The following ARAP2 variants were observed in gnomAD, a reference collection of about 807,000 sequenced individuals.
The protein encoded by ARAP2 is arf-GAP with Rho-GAP domain, ANK repeat and PH domain-containing protein 2.
Under a neutral mutation model 194.5 loss-of-function variants are expected in ARAP2, and 148 were observed. That is an observed-to-expected ratio of 0.76 (90% CI 0.67 to 0.87). ARAP2 has a LOEUF of 0.87. Among genes scored for constraint, ARAP2 ranks in the 40% least tolerant of loss-of-function variants. The pLI, the probability that ARAP2 is intolerant of heterozygous loss-of-function variation, is 0.00. For synonymous variants in ARAP2, 695 were observed against 683.5 expected, an observed-to-expected ratio of 1.02 and a Z score of -0.26; for missense variants, 2,128 against 1,989.7, an observed-to-expected ratio of 1.07 and a Z score of -1.32.
intron 1 of ARAP2, among the ~76,000 whole-genome samples, chr4:36,240,163 TAAG>T (rs1459966117): frequency 1.3e-5 from 2 of 152,362 alleles, no homozygotes; most frequent in Middle Eastern, 3.4e-3. Flanking sequence ...TTAAGATATA[TAAG>T]AATACCTGAC....
intron 8 of ARAP2, among the ~76,000 whole-genome samples, chr4:36,187,204 AT>A (rs1353330997): frequency 6.6e-6 from 1 of 152,260 alleles, no homozygotes; most frequent in Admixed American, 6.5e-5. Flanking sequence ...CACATTGTAT[AT>A]GCAGAACTTA....
Position 36,228,882 on chromosome 4 carries a change from A to T in ARAP2, c.605T>A (p.Ile202Asn). The T allele has an allele frequency of 6.2e-7, 1 of 1,614,050 alleles. No individual in the cohort carries two copies. The highest frequency in any genetic ancestry group is 8.5e-7 in the Non-Finnish European group (1 of 1,179,992). ...EEQQTEKVKL[I>N]TENLSKLPNA... is the part of the protein sequence containing the mutation. ...AGGGAGCTTACTGAGATTTTCTGTG[A>T]TCAATTTAACTTTTTCTGTTTGTTG... The change falls in exon 2 of 33, where the codon ATC becomes AAC. Residue 202 changes from isoleucine (I) to asparagine (N), a missense_variant. By Grantham distance (149) the Ile-to-Asn change is moderately radical. Transcript: ENST00000303965.
At chr4:36,078,458 C>T (rs142038732) in intron 31 of ARAP2, among the ~76,000 whole-genome samples, 17 of 152,170 alleles carry the variant, frequency 1.1e-4, no homozygotes, top group African/African-American at 3.4e-4. Context: ...ACTGTTAATT[C>T]GCATACGTGT....
chr4:36,139,035 T>C (rs73809127), intron 19 of ARAP2, among the ~76,000 whole-genome samples: 1 of 151,708 alleles, frequency 6.6e-6, no homozygotes, highest in East Asian at 1.9e-4. Flanking sequence ...TTATATGTAT[T>C]CTGTCCATGT....
chr4:36,147,205 T>C (rs1466779910), intron 19 of ARAP2, 91 bp downstream of exon 19: 2 of 1,143,566 alleles, frequency 1.7e-6, no homozygotes, highest in Non-Finnish European at 1.3e-6. Context: ...GGTTTTAAAA[T>C]ATTGTTTTCT....
At chr4:36,158,426 A>G (rs1352151027) in intron 15 of ARAP2, among the ~76,000 whole-genome samples, 1 of 152,152 alleles carries the variant, frequency 6.6e-6, no homozygotes, top group South Asian at 2.1e-4. Flanking sequence ...TGGGGTGTCC[A>G]TCCCTAAGGA....
intron 20 of ARAP2, among the ~76,000 whole-genome samples, chr4:36,129,326 T>C (rs977275347): frequency 3.3e-5 from 5 of 151,936 alleles, no homozygotes; most frequent in African/African-American, 1.2e-4. Flanking sequence ...CCTCCCAGGC[T>C]TCTTTTCCCT....
intron 13 of ARAP2, 88 bp from the exon 14 acceptor site, chr4:36,159,593 T>C (rs755237146): frequency 8.2e-5 from 97 of 1,177,530 alleles, no homozygotes; most frequent in Non-Finnish European, 1.0e-4. Context: ...ATTTCATGTA[T>C]GGGATAAAGT....
chr4:36,190,602 G>A (rs1578218667), intron 7 of ARAP2, among the ~76,000 whole-genome samples: 1 of 152,124 alleles, frequency 6.6e-6, no homozygotes, highest in South Asian at 2.1e-4. Flanking sequence ...ACAGTCTCCT[G>A]GTTTGCCTCC....
rs141821419 is a variant in ARAP2, at chr4:36,119,472, A to T, written c.3963+178T>A. ...TCTATTTTTAAAAATTTACATTAAC[A>T]TATTTTGCATATATGTATCAGGTTG... On this transcript the variant is annotated intron_variant, in intron 24 of 32. Transcript: ENST00000303965. Among the ~76,000 whole-genome samples, 1,080 of 151,526 alleles carry T rather than the reference A, an allele frequency of 7.1e-3. 11 individuals are homozygous for T. The highest frequency in any genetic ancestry group is 0.025 in the African/African-American group (1,025 of 41,478).
chr4:36,098,589 T>C (rs931217088), intron 27 of ARAP2, among the ~76,000 whole-genome samples: 3 of 152,138 alleles, frequency 2.0e-5, no homozygotes, highest in Non-Finnish European at 4.4e-5. Flanking sequence ...TACATCTCTG[T>C]AAATTATTAA....
In ARAP2 at chr4:36,073,830, A is replaced by G; in HGVS notation, c.4609-7T>C. Reference sequence around the variant, plus strand: ...GCCATATATCATATTCATGCTGTGGAAACACAATTTCTTGCTGTTGGTGTG... The same window carrying G: ...GCCATATATCATATTCATGCTGTGGGAACACAATTTCTTGCTGTTGGTGTG... On this transcript the variant is annotated splice_polypyrimidine_tract_variant and splice_region_variant and intron_variant, in intron 31 of 32. Coordinates refer to ENST00000303965, the MANE Select transcript of ARAP2 (RefSeq NM_015230.4). 1 of 1,612,368 alleles carries G rather than the reference A, an allele frequency of 6.2e-7. No individual in the cohort carries two copies.
rs114705622 is a variant in ARAP2 at position 36,023,966 on chromosome 4, A to T, written n.608-4680T>A. ...GATGATTTCCAATTTAATCAATAAA[A>T]AAAAAAAATGACGTTTGTGATTCTG... On this transcript the variant is annotated intron_variant and non_coding_transcript_variant, in intron 5 of 12. Coordinates refer to the ARAP2 transcript ENST00000503225. Among the ~76,000 whole-genome samples, 1,145 of 151,464 alleles carry T rather than the reference A, an allele frequency of 7.6e-3. 18 individuals are homozygous for T. The highest frequency in any genetic ancestry group is 0.026 in the African/African-American group (1,095 of 41,366).
chr4:36,218,191 AT>A (rs1478196152), intron 2 of ARAP2, among the ~76,000 whole-genome samples: 2 of 152,164 alleles, frequency 1.3e-5, no homozygotes, highest in African/African-American at 2.4e-5. Context: ...GCAGGAGGTC[AT>A]TTTCCTTAGC....
chr4:36,122,738 T>C (rs954255312), intron 22 of ARAP2, among the ~76,000 whole-genome samples: 2 of 151,666 alleles, frequency 1.3e-5, no homozygotes, highest in African/African-American at 4.8e-5. Context: ...ACCTACACAC[T>C]GTACCCCTGA....
chr4:36,214,857 C>T (rs954715847), intron 2 of ARAP2, among the ~76,000 whole-genome samples: 1 of 152,162 alleles, frequency 6.6e-6, no homozygotes, highest in Admixed American at 6.5e-5. Context: ...ATCTCTGAAA[C>T]AGATTTACTA....
At chr4:36,118,475 A>G (rs1721930807) in intron 24 of ARAP2, among the ~76,000 whole-genome samples, 1 of 151,270 alleles carries the variant, frequency 6.6e-6, no homozygotes, top group African/African-American at 2.4e-5. Context: ...ATTTTCCCAG[A>G]CTCTTTTACT....
chr4:36,127,575 T>G (rs1252976163), intron 21 of ARAP2, among the ~76,000 whole-genome samples: 1 of 151,988 alleles, frequency 6.6e-6, no homozygotes, highest in Non-Finnish European at 1.5e-5. Flanking sequence ...GGAAAATTAC[T>G]TCTCAATAGA....
intron 29 of ARAP2, among the ~76,000 whole-genome samples, chr4:36,082,722 C>T (rs1729856415): frequency 6.6e-6 from 1 of 152,086 alleles, no homozygotes; most frequent in African/African-American, 2.4e-5. Flanking sequence ...CAGAAGCAAG[C>T]ACATATAAAT....
Sources: gnomAD v4.1 joint callset for allele counts (sites outside exome capture counted in the v4.1 genomes callset) on GRCh38, gnomAD v4.1.1 for gene constraint, MANE v1.5 for transcripts, NCBI Gene and HGNC (gene_info 2026-07-23, HGNC 2026-07-21) for gene names.